CDH18: variants seen among roughly 807,000 people sequenced by gnomAD.
CDH18 encodes cadherin 18.
A neutral mutation model predicts 67.9 loss-of-function variants in CDH18; 31 were observed. The observed-to-expected ratio is 0.46, with a 90% confidence interval of 0.34 to 0.62. The LOEUF is 0.62. Among genes scored for constraint, CDH18 ranks in the 20% least tolerant of loss-of-function variants. The pLI is 0.01. For synonymous variants in CDH18, 362 were observed against 347.2 expected, an observed-to-expected ratio of 1.04 and a Z score of -0.48; for missense variants, 890 against 975.5, an observed-to-expected ratio of 0.91 and a Z score of 1.17.
chr5:19,968,948 A>G (rs1797754831), intron 2 of CDH18, among the ~76,000 whole-genome samples: 2 of 136,516 alleles, frequency 1.5e-5, no homozygotes, highest in African/African-American at 6.6e-5. Flanking sequence ...TACTCATCTG[A>G]CAAAGGGCTA....
intron 2 of CDH18, among the ~76,000 whole-genome samples, chr5:19,936,360 T>TA (rs1394709917): frequency 1.3e-5 from 2 of 151,298 alleles, no homozygotes; most frequent in Admixed American, 1.3e-4. Context: ...TTTCTCTGGC[T>TA]AAAAATTAGG....
At chr5:20,487,371 C>A (rs2126358388) in intron 1 of CDH18, among the ~76,000 whole-genome samples, 1 of 148,224 alleles carries the variant, frequency 6.7e-6, no homozygotes, top group South Asian at 2.1e-4. Context: ...TATATATAAA[C>A]CTATATATGT....
intron 5 of CDH18, among the ~76,000 whole-genome samples, chr5:19,660,078 C>A (rs913719317): frequency 6.6e-6 from 1 of 152,054 alleles, no homozygotes; most frequent in Non-Finnish European, 1.5e-5. Context: ...TTTCAAATTT[C>A]TAAGCATTTA....
upstream of CDH18, among the ~76,000 whole-genome samples, chr5:19,990,612 C>A (rs1023715277): frequency 6.6e-6 from 1 of 152,186 alleles, no homozygotes; most frequent in Non-Finnish European, 1.5e-5. Flanking sequence ...AATAAGGGCT[C>A]TAGATTCTCC....
chr5:19,788,660 C>T (rs2149806089), intron 3 of CDH18, among the ~76,000 whole-genome samples: 1 of 152,140 alleles, frequency 6.6e-6, no homozygotes. Flanking sequence ...GATTGATGTC[C>T]AGTACTCAAG....
At chr5:20,232,043 A>G (rs140047780) in intron 2 of CDH18, among the ~76,000 whole-genome samples, 1 of 152,268 alleles carries the variant, frequency 6.6e-6, no homozygotes, top group African/African-American at 2.4e-5. Flanking sequence ...TAAATACAAG[A>G]ACTTCACTGT....
chr5:20,091,175 T>C (rs770771218), intron 2 of CDH18, among the ~76,000 whole-genome samples: 35 of 152,152 alleles, frequency 2.3e-4, no homozygotes, highest in Admixed American at 7.9e-4. Context: ...TTTTTAAAGG[T>C]AAATTGCAAT....
chr5:19,877,836 G>C (rs145889039), intron 2 of CDH18, among the ~76,000 whole-genome samples: 147 of 152,206 alleles, frequency 9.7e-4, no homozygotes, highest in African/African-American at 3.5e-3. Flanking sequence ...TAAGATCTGG[G>C]AAAAGTTGTT....
At chr5:20,400,912 A>G (rs1250214485) in intron 1 of CDH18, among the ~76,000 whole-genome samples, 1 of 152,192 alleles carries the variant, frequency 6.6e-6, no homozygotes, top group East Asian at 1.9e-4. Context: ...AAATTCAGAA[A>G]TGTTTTCCCT....
intron 2 of CDH18, among the ~76,000 whole-genome samples, chr5:20,101,938 G>A (rs1322597732): frequency 2.6e-5 from 4 of 152,050 alleles, no homozygotes; most frequent in African/African-American, 7.2e-5. Context: ...CAGGTGTGGC[G>A]GCACAGCCTG....
At chr5:20,367,702 A>T (rs1742641036) in intron 1 of CDH18, among the ~76,000 whole-genome samples, 1 of 152,240 alleles carries the variant, frequency 6.6e-6, no homozygotes, top group African/African-American at 2.4e-5. Context: ...AACATGTGGT[A>T]AATTTTTATA....
At chr5:19,494,075 C>T (rs563583979) in intron 11 of CDH18, among the ~76,000 whole-genome samples, 118 of 152,234 alleles carry the variant, frequency 7.8e-4, no homozygotes, top group African/African-American at 2.8e-3. Flanking sequence ...AGTATTTTGA[C>T]ACTATCTACT....
intron 1 of CDH18, among the ~76,000 whole-genome samples, chr5:20,281,624 T>C (rs1011424085): frequency 2.0e-5 from 3 of 152,188 alleles, no homozygotes; most frequent in Non-Finnish European, 2.9e-5. Context: ...TGTAGTATAG[T>C]TTGAAGTCAG....
intron 2 of CDH18, among the ~76,000 whole-genome samples, chr5:20,111,022 T>C (rs1339075844): frequency 6.6e-6 from 1 of 152,184 alleles, no homozygotes; most frequent in African/African-American, 2.4e-5. Flanking sequence ...AAAGCTGAGT[T>C]AGGTAAGTCA....
intron 2 of CDH18, among the ~76,000 whole-genome samples, chr5:20,103,682 G>A (rs528252839): frequency 6.6e-6 from 1 of 151,428 alleles, no homozygotes; most frequent in African/African-American, 2.4e-5. Flanking sequence ...GCAGTGAGTG[G>A]AGATTGTGCC....
At chr5:20,352,503 G>C (rs1741271671) in intron 1 of CDH18, among the ~76,000 whole-genome samples, 1 of 151,650 alleles carries the variant, frequency 6.6e-6, no homozygotes, top group Non-Finnish European at 1.5e-5. Flanking sequence ...AACCTGGACA[G>C]ACACGGGTGG....
chr5:20,364,448 T>C (rs958963905), intron 1 of CDH18, among the ~76,000 whole-genome samples: 6 of 152,320 alleles, frequency 3.9e-5, no homozygotes, highest in South Asian at 2.1e-4. Context: ...GCACCTTCCA[T>C]ATAAAAAGAA....
chr5:19,717,883 T>C (rs1426875913), intron 5 of CDH18, among the ~76,000 whole-genome samples: 1 of 152,038 alleles, frequency 6.6e-6, no homozygotes, highest in Non-Finnish European at 1.5e-5. Context: ...ACCTTTTAAA[T>C]GGTAGTTAAT....
At chr5:19,631,625 TC>T (rs1425670772) in intron 5 of CDH18, among the ~76,000 whole-genome samples, 7 of 151,718 alleles carry the variant, frequency 4.6e-5, no homozygotes, top group African/African-American at 1.7e-4. Flanking sequence ...CTGTTAAAAA[TC>T]CTAAAATTAA....
Sources: allele counts gnomAD v4.1 joint callset (sites outside exome capture counted in the v4.1 genomes callset), GRCh38; gene constraint gnomAD v4.1.1; transcripts MANE v1.5; gene names NCBI Gene and HGNC (gene_info 2026-07-23, HGNC 2026-07-21).